USP35: variants seen among roughly 807,000 people sequenced by gnomAD.
The protein encoded by USP35 is ubiquitin specific peptidase 35.
In USP35, 69 loss-of-function variants were observed where a neutral mutation model predicts 83.8. That is an observed-to-expected ratio of 0.82 (90% CI 0.68 to 1.01). The LOEUF is 1.01. USP35 is among the 50% of genes least tolerant of loss of function. The probability of loss-of-function intolerance (pLI) is 0.00; values close to 1 mark genes in which losing one functional copy is unlikely to be tolerated. For missense variants in USP35, 1,503 were observed against 1,362.5 expected (o/e 1.10, Z -1.62); for synonymous variants, 714 against 589.5 (o/e 1.21, Z -3.06).
chr11:78,194,920 C>G (rs945681223), intron 1 of USP35, among the ~76,000 whole-genome samples: 2 of 152,132 alleles, frequency 1.3e-5, no homozygotes, highest in Admixed American at 6.5e-5. Flanking sequence ...ACAAGATGTT[C>G]TAATTTTTAA....
chr11:78,221,878 A>G, the USP35 span: 4 of 758,174 alleles, frequency 5.3e-6, no homozygotes, highest in East Asian at 7.8e-5. Flanking sequence ...CCCAGACCTC[A>G]GCCATTAGAG....
chr11:78,233,492 A>G, the USP35 span, among the ~76,000 whole-genome samples: 1 of 152,184 alleles, frequency 6.6e-6, no homozygotes, highest in South Asian at 2.1e-4. Context: ...TTTTTTGCCC[A>G]TTAAAAAAAT....
chr11:78,220,190 A>G, downstream of USP35: 1 of 916,478 alleles, frequency 1.1e-6, no homozygotes, highest in Non-Finnish European at 1.7e-6. Flanking sequence ...ATGCATCATA[A>G]AAGCTGGGTA....
chr11:78,228,617 G>A, the USP35 span, among the ~76,000 whole-genome samples: 813 of 152,326 alleles, frequency 5.3e-3, 13 homozygotes, highest in African/African-American at 0.019. Context: ...GGAAACAGGT[G>A]TGTAAAGCCA....
At chr11:78,209,277 A>G (rs760541066) in intron 9 of USP35, among the ~76,000 whole-genome samples, 171 bp from the exon 10 acceptor site, 3 of 146,954 alleles carry the variant, frequency 2.0e-5, no homozygotes, top group Non-Finnish European at 3.0e-5. Context: ...GAGTGTAGCA[A>G]GCGTGCTGTT....
At chr11:78,221,827 G>T in the USP35 span, 2 of 1,346,462 alleles carry the variant, frequency 1.5e-6, no homozygotes, top group Non-Finnish European at 2.1e-6. Flanking sequence ...CATGGCTGCT[G>T]CCATGTTTCT....
In USP35 at chr11:78,213,759, G is replaced by A. The variant is rs752597507; in HGVS notation, c.3003G>A (p.Gly1001=). 2 of 1,543,916 alleles carry A rather than the reference G, an allele frequency of 1.3e-6. No individual in the cohort carries two copies. Among genetic ancestry groups the A allele is most frequent in the Non-Finnish European group, 1.7e-6 (2 of 1,154,316 alleles). Reference sequence around the variant, plus strand: ...AGGATGAGGATGAAGGCTCTCCAGGGGGCTGCAATCCTGCAGGTGGCAATG... The same window carrying A: ...AGGATGAGGATGAAGGCTCTCCAGGAGGCTGCAATCCTGCAGGTGGCAATG... ...EDKDEDEGSP[G]GCNPAGGNGG... Residue 1001 remains glycine (G), a synonymous_variant, in exon 11 of 11, where the codon GGG becomes GGA. Transcript: ENST00000529308.
At position 78,215,071 on chromosome 11, in the gene USP35, G is replaced by C. The variant is rs181618305; in HGVS notation, c.*1258G>C. Among the ~76,000 whole-genome samples the C allele has an allele frequency of 7.1e-4, 108 of 152,278 alleles. No homozygotes were observed. Among genetic ancestry groups the C allele is most frequent in the African/African-American group, 2.5e-3 (105 of 41,544 alleles). On this transcript the variant is annotated 3_prime_UTR_variant, in exon 11 of 11. Transcript: ENST00000529308. ...AAGTGACCTGTGAAAGCAGCAGACA[G>C]ACACGCCCAGAACCCATCTCTAGAC...
Position 78,199,578 on chromosome 11 carries a change from G to C in USP35, c.807-17G>C, listed in dbSNP as rs114687531. The C allele has an allele frequency of 1.5e-3, 2,408 of 1,614,104 alleles. 32 individuals carry two copies. The African/African-American group carries it at 0.028, about 19-fold the overall frequency. On this transcript the variant is annotated splice_polypyrimidine_tract_variant and intron_variant, in intron 3 of 10. Coordinates refer to ENST00000529308, the MANE Select transcript of USP35 (RefSeq NM_020798.4). Reference sequence around the variant, plus strand: ...GGGTGTCCCTTGTCCCTGTGTCACTGTCACTCCCCTCACCAGGATGATTGA... The same window carrying C: ...GGGTGTCCCTTGTCCCTGTGTCACTCTCACTCCCCTCACCAGGATGATTGA...
chr11:78,219,092 T>C (rs1485483), downstream of USP35: 110,214 of 598,514 alleles, frequency 0.18, 12,268 homozygotes, highest in East Asian at 0.41. Context: ...GGAGGTGCCT[T>C]GATCAGGCCC....
chr11:78,213,443 A>T (rs1468236586), intron 10 of USP35, among the ~76,000 whole-genome samples: 1 of 151,604 alleles, frequency 6.6e-6, no homozygotes, highest in Non-Finnish European at 1.5e-5. Flanking sequence ...CTCAGGGACT[A>T]GAGTTTTTAT....
downstream of USP35, chr11:78,216,201 T>A (rs1179249275): frequency 3.3e-5 from 5 of 152,430 alleles, no homozygotes; most frequent in South Asian, 8.3e-4. Context: ...ATCTCCCTAT[T>A]TCTCATCGTT....
chr11:78,213,610 T>G (rs749044954), intron 10 of USP35, 36 bp from the exon 11 acceptor site: 1 of 1,448,952 alleles, frequency 6.9e-7, no homozygotes, highest in Non-Finnish European at 9.1e-7. Flanking sequence ...AGGGTGTGAA[T>G]TCTAAGTCTA....
Position 78,210,551 on chromosome 11 carries a change from C to T in USP35, c.2696C>T (p.Ser899Phe), listed in dbSNP as rs1565403916. 5 of 1,612,970 alleles carry T rather than the reference C, an allele frequency of 3.1e-6. No homozygotes were observed. The South Asian group carries it at 5.5e-5, about 18-fold the overall frequency. Residue 899 changes from serine (S) to phenylalanine (F), a missense_variant, in exon 10 of 11, where the codon TCC (serine) becomes TTC (phenylalanine). Transcript: ENST00000529308. ...QWYLFNDTRV[S>F]FSSFESVSNV... ...TACCTGTTCAATGACACTCGGGTGT[C>T]CTTCTCTTCCTTCGAATCTGTCAGC...
the USP35 span, chr11:78,221,539 G>A: frequency 2.3e-5 from 11 of 487,178 alleles, no homozygotes; most frequent in Non-Finnish European, 3.4e-5. Context: ...AGAAGGGTTT[G>A]TAGCAGGAGA....
the USP35 span, among the ~76,000 whole-genome samples, chr11:78,225,884 G>T: frequency 1.3e-5 from 2 of 152,332 alleles, no homozygotes; most frequent in South Asian, 2.1e-4. Flanking sequence ...GATGCAAAAT[G>T]AAAGGAATTA....
chr11:78,222,216 CT>C, the USP35 span: 1 of 1,539,454 alleles, frequency 6.5e-7, no homozygotes, highest in African/African-American at 1.4e-5. Flanking sequence ...AAAAGAAAGT[CT>C]GGTAATCAGC....
chr11:78,215,117 T>TA lies in USP35; in HGVS notation c.*1307dup, dbSNP rs1197000606. On this transcript the variant is annotated 3_prime_UTR_variant, in exon 11 of 11. Transcript: ENST00000529308. ...TAGACGCCTAAGAAAGCTGGATGGGTAAATGCTAGTATGATTTCCACTTTA... is the reference window on the plus strand; with the variant it reads ...TAGACGCCTAAGAAAGCTGGATGGGTAAAATGCTAGTATGATTTCCACTTTA... Among the ~76,000 whole-genome samples, 3 of 152,256 alleles carry TA rather than the reference T, an allele frequency of 2.0e-5. No homozygotes were observed. The highest frequency in any genetic ancestry group is 4.8e-5 in the African/African-American group (2 of 41,532).
At chr11:78,223,342 G>A in the USP35 span, 7 of 1,293,612 alleles carry the variant, frequency 5.4e-6, no homozygotes, top group Admixed American at 2.7e-5. Flanking sequence ...GGATCCACAT[G>A]ACCCCTAAGC....
Sources: gnomAD v4.1 joint callset for allele counts (sites outside exome capture counted in the v4.1 genomes callset) on GRCh38, gnomAD v4.1.1 for gene constraint, MANE v1.5 for transcripts, NCBI Gene and HGNC (gene_info 2026-07-23, HGNC 2026-07-21) for gene names.